CELF4: variants seen among roughly 807,000 people sequenced by gnomAD.
CELF4 encodes CUG-BP- and ETR-3-like factor 4.
A neutral mutation model predicts 59.9 loss-of-function variants in CELF4; 18 were observed. The ratio of observed to expected loss-of-function variants is 0.30; its 90% CI spans 0.21 to 0.45. CELF4 has a LOEUF of 0.45. Among genes scored for constraint, CELF4 ranks in the 20% least tolerant of loss-of-function variants. The probability of loss-of-function intolerance (pLI) is 1.00; values close to 1 mark genes in which losing one functional copy is unlikely to be tolerated. For missense variants in CELF4, 456 were observed against 689.0 expected (o/e 0.66, Z 3.79); for synonymous variants, 261 against 267.1 (o/e 0.98, Z 0.22).
chr18:37,264,806 G>A (rs773073428), intron 9 of CELF4, 49 bp from the exon 10 acceptor site: 3 of 1,446,644 alleles, frequency 2.1e-6, no homozygotes, highest in African/African-American at 2.8e-5. Context: ...GCAGAGAGTG[G>A]AAGCAGGAAG....
At position 37,254,866 on chromosome 18, in the gene CELF4, A is replaced by G. The variant is rs1244576281; in HGVS notation, c.1334-928T>C. Among the ~76,000 whole-genome samples, 2 of 152,192 alleles carry G rather than the reference A, an allele frequency of 1.3e-5. No homozygotes were observed. The highest frequency in any genetic ancestry group is 2.9e-5 in the Non-Finnish European group (2 of 68,036). ...GGGAACTCTGAATGCATCTCTTCATACAGACAACATTTTACATCAGCATTT... is the reference window on the plus strand; with the variant it reads ...GGGAACTCTGAATGCATCTCTTCATGCAGACAACATTTTACATCAGCATTT... On this transcript the variant is annotated intron_variant, in intron 11 of 12. Coordinates refer to ENST00000420428, the MANE Select transcript of CELF4 (RefSeq NM_020180.4). This position sits in a 1 kb window ranked among gnomAD's most constrained non-coding sequence, Gnocchi z 5.1.
At chr18:37,268,705 TG>T (rs2078916421) in intron 8 of CELF4, among the ~76,000 whole-genome samples, 1 of 152,212 alleles carries the variant, frequency 6.6e-6, no homozygotes. Flanking sequence ...AAAAGCTACC[TG>T]GGGCAGGGAA....
Position 37,254,590 on chromosome 18 carries a change from C to T in CELF4, c.1334-652G>A, listed in dbSNP as rs576916508. On this transcript the variant is annotated intron_variant, in intron 11 of 12. Transcript: ENST00000420428. The surrounding 1 kb of genome is among the most constrained non-coding windows in gnomAD (Gnocchi z 5.1). The stretch of plus-strand genomic sequence containing the variant: ...GGTGGGCCCTGGGCGTCACCTCGCC[C>T]CGGGCGCCGTCGGCACCTCTCTTCT... Among the ~76,000 whole-genome samples, 1 of 152,312 alleles carries T rather than the reference C, an allele frequency of 6.6e-6. No individual in the cohort carries two copies. The highest frequency in any genetic ancestry group is 2.1e-4 in the South Asian group (1 of 4,828).
chr18:37,339,043 C>A (rs2097892088), intron 2 of CELF4, among the ~76,000 whole-genome samples: 1 of 152,202 alleles, frequency 6.6e-6, no homozygotes, highest in Non-Finnish European at 1.5e-5. Flanking sequence ...CTTTGACAGG[C>A]AGAGCTGATG....
intron 2 of CELF4, among the ~76,000 whole-genome samples, chr18:37,429,107 C>G (rs1786815): frequency 7.9e-5 from 12 of 152,022 alleles, no homozygotes; most frequent in African/African-American, 2.4e-4. Context: ...TAAGGAATAT[C>G]GGAACACTGG....
intron 2 of CELF4, among the ~76,000 whole-genome samples, chr18:37,463,916 T>C (rs756417159): frequency 6.6e-6 from 1 of 152,106 alleles, no homozygotes; most frequent in Non-Finnish European, 1.5e-5. Flanking sequence ...GGGCTGCTAA[T>C]GAGGCCTTCC....
intron 2 of CELF4, among the ~76,000 whole-genome samples, chr18:37,438,226 C>G (rs1267398420): frequency 6.6e-6 from 1 of 152,138 alleles, no homozygotes; most frequent in Non-Finnish European, 1.5e-5. Context: ...GAGACTGAAG[C>G]CTGAAAGGTC....
chr18:37,492,135 A>C (rs1231094555), intron 1 of CELF4, among the ~76,000 whole-genome samples: 2 of 152,170 alleles, frequency 1.3e-5, no homozygotes, highest in Non-Finnish European at 2.9e-5. Flanking sequence ...TTTTAATAAA[A>C]CATCAGATCC....
chr18:37,530,843 C>CAG (rs147592878), intron 1 of CELF4, among the ~76,000 whole-genome samples: 27 of 136,098 alleles, frequency 2.0e-4, no homozygotes, highest in East Asian at 1.1e-3. Flanking sequence ...TCAATAAGTA[C>CAG]AGAGAGAGAG....
intron 10 of CELF4, among the ~76,000 whole-genome samples, chr18:37,263,304 G>A (rs2154317739): frequency 6.6e-6 from 1 of 152,328 alleles, no homozygotes; most frequent in East Asian, 1.9e-4. Context: ...TTTGGGGTCT[G>A]AGGGACTTGT....
rs1304350078 is a variant in CELF4, at chr18:37,485,597, G to A, written c.297C>T (p.Phe99=). 1 of 1,461,162 alleles carries A rather than the reference G, an allele frequency of 6.8e-7. No homozygotes were observed. The highest frequency in any genetic ancestry group is 2.8e-5 in the East Asian group (1 of 36,084). 90.5% of individuals were successfully genotyped at this position (1,461,162 alleles called of 1,614,324 possible). The change falls in exon 2 of 13, where the codon TTC becomes TTT. Residue 99 remains phenylalanine (F), a synonymous_variant. Transcript: ENST00000420428. ...RFTGMHKGCA[F]LTYCERESAL... ...CTGACTCACGCTCGCAGTAGGTGAGGAAGGCGCAGCCTGGGGAGGAAAGCA... is the reference window on the plus strand; with the variant it reads ...CTGACTCACGCTCGCAGTAGGTGAGAAAGGCGCAGCCTGGGGAGGAAAGCA...
intron 1 of CELF4, among the ~76,000 whole-genome samples, chr18:37,553,909 C>T (rs1347445932): frequency 6.6e-6 from 1 of 152,154 alleles, no homozygotes; most frequent in Non-Finnish European, 1.5e-5. Flanking sequence ...CTTCGTCTCA[C>T]CGTCAGAGGG....
intron 2 of CELF4, among the ~76,000 whole-genome samples, chr18:37,333,274 GGCACCTA>G (rs775109910): frequency 3.1e-4 from 47 of 152,182 alleles, no homozygotes; most frequent in Non-Finnish European, 5.6e-4. Flanking sequence ...CATCGTGCCT[GGCACCTA>G]GTAAGAGCCC....
chr18:37,296,680 T>G (rs2095661718), intron 3 of CELF4, among the ~76,000 whole-genome samples: 1 of 152,222 alleles, frequency 6.6e-6, no homozygotes, highest in Non-Finnish European at 1.5e-5. Flanking sequence ...CTTCCCCTGC[T>G]GATGGCAGTC....
chr18:37,328,723 C>T (rs933029818), intron 2 of CELF4, among the ~76,000 whole-genome samples: 1 of 152,166 alleles, frequency 6.6e-6, no homozygotes, highest in African/African-American at 2.4e-5. Flanking sequence ...AACACCAGTT[C>T]CTATCCACCC....
intron 2 of CELF4, among the ~76,000 whole-genome samples, chr18:37,360,749 G>A (rs1352434272): frequency 2.0e-5 from 3 of 152,168 alleles, no homozygotes; most frequent in East Asian, 3.9e-4. Flanking sequence ...GCAGATGTGT[G>A]GGTGAGTTCA....
chr18:37,476,199 G>C (rs1243665868), intron 2 of CELF4, among the ~76,000 whole-genome samples: 1 of 152,260 alleles, frequency 6.6e-6, no homozygotes, highest in African/African-American at 2.4e-5. Context: ...GACCTGGAAA[G>C]GTTGGGTGGA....
chr18:37,549,308 T>C (rs934049697), intron 1 of CELF4, among the ~76,000 whole-genome samples: 7 of 152,220 alleles, frequency 4.6e-5, no homozygotes, highest in Non-Finnish European at 7.3e-5. Context: ...ACTAGTCTCA[T>C]AGCAAGAGGG....
chr18:37,330,995 C>G (rs1400006689), intron 2 of CELF4, among the ~76,000 whole-genome samples: 1 of 152,192 alleles, frequency 6.6e-6, no homozygotes. Flanking sequence ...TATTAAAATG[C>G]AAACCCTCCA....
Sources: allele counts gnomAD v4.1 joint callset (sites outside exome capture counted in the v4.1 genomes callset), GRCh38; gene constraint gnomAD v4.1.1; non-coding constraint Gnocchi (gnomAD v3.1); transcripts MANE v1.5; gene names NCBI Gene and HGNC (gene_info 2026-07-23, HGNC 2026-07-21).